Variants in RMDN2 observed in about 807,000 individuals in gnomAD.
RMDN2 encodes regulator of microtubule dynamics protein 2.
In RMDN2, 61 loss-of-function variants were observed where a neutral mutation model predicts 52.8. The observed-to-expected ratio is 1.16, with a 90% CI of 0.94 to 1.43. The LOEUF (loss-of-function observed/expected upper bound fraction) is 1.43, where lower values mean the gene tolerates loss of function less well. Ranked by LOEUF, RMDN2 falls within the 40% of genes most tolerant of loss-of-function variation. The probability of loss-of-function intolerance (pLI) is 0.00; values close to 1 mark genes in which losing one functional copy is unlikely to be tolerated. For missense variants in RMDN2, 592 were observed against 475.3 expected (o/e 1.25, Z -2.28); for synonymous variants, 180 against 153.1 (o/e 1.18, Z -1.30).
chr2:38,024,749 C>T (rs560986281), intron 10 of RMDN2, among the ~76,000 whole-genome samples: 42 of 152,096 alleles, frequency 2.8e-4, no homozygotes, highest in Admixed American at 1.2e-3. Context: ...TACTCTATAA[C>T]ATATCTAATG....
chr2:38,016,224 A>G (rs1388147902), intron 10 of RMDN2, among the ~76,000 whole-genome samples: 1 of 152,238 alleles, frequency 6.6e-6, no homozygotes, highest in Non-Finnish European at 1.5e-5. Flanking sequence ...AAATGAAGGT[A>G]TTTGAGCAAG....
intron 4 of RMDN2, among the ~76,000 whole-genome samples, chr2:37,977,571 G>A (rs192899767): frequency 0.036 from 5,498 of 151,222 alleles, 294 homozygotes; most frequent in African/African-American, 0.12. Context: ...CAGATGGGGC[G>A]GCTGCTGGGC....
At chr2:38,029,548 T>C (rs1308359719) in intron 10 of RMDN2, 1 of 151,812 alleles carries the variant, frequency 6.6e-6, no homozygotes, top group East Asian at 1.9e-4. Context: ...TCAATTAACA[T>C]TTGTTAAACC....
At chr2:37,963,803 C>T (rs949867763) in intron 2 of RMDN2, among the ~76,000 whole-genome samples, 1 of 152,222 alleles carries the variant, frequency 6.6e-6, no homozygotes, top group Non-Finnish European at 1.5e-5. Flanking sequence ...CCATCGTCAT[C>T]ATGGCCCGTT....
In RMDN2 at chr2:38,034,024, C is replaced by T. The variant is rs1349357596; in HGVS notation, c.1713+29808C>T. Among the ~76,000 whole-genome samples, 3 of 152,214 alleles carry T rather than the reference C, an allele frequency of 2.0e-5. No individual in the cohort carries two copies. In the East Asian group the frequency reaches 5.8e-4, roughly 29 times the overall value. ...ACGTTTATCCCCCCAGCTAGCTTTT[C>T]CTATTTTGTAACTACAAAGAATATT... On this transcript the variant is annotated intron_variant, in intron 10 of 10. Transcript: ENST00000234195.
chr2:37,986,663 C>T (rs999206675), intron 5 of RMDN2, among the ~76,000 whole-genome samples: 7 of 152,100 alleles, frequency 4.6e-5, no homozygotes, highest in African/African-American at 1.7e-4. Flanking sequence ...CATTAACACA[C>T]CAAAGCAGAA....
chr2:37,966,188 G>A (rs942981318), intron 2 of RMDN2, among the ~76,000 whole-genome samples: 7 of 152,230 alleles, frequency 4.6e-5, no homozygotes, highest in South Asian at 2.1e-4. Flanking sequence ...TTGGGAGGCC[G>A]AGGCAGGTGG....
At chr2:37,996,154 A>G (rs1307910550) in intron 7 of RMDN2, among the ~76,000 whole-genome samples, 1 of 152,214 alleles carries the variant, frequency 6.6e-6, no homozygotes, top group Non-Finnish European at 1.5e-5. Flanking sequence ...AAATCTTAGA[A>G]TCATACCATT....
At chr2:38,050,679 C>A (rs1300589027) in intron 10 of RMDN2, among the ~76,000 whole-genome samples, 1 of 152,194 alleles carries the variant, frequency 6.6e-6, no homozygotes, top group Non-Finnish European at 1.5e-5. Flanking sequence ...TCTGCACGAA[C>A]TTCCACATAT....
In RMDN2 at chr2:37,939,321, G is replaced by A. The variant is rs142203469; in HGVS notation, c.452+9592G>A. ...GTCTTTTACTTCCAATTATGTGGTT[G>A]ATTTTGGAATAAGTGCGGTGTGGTG... On this transcript the variant is annotated intron_variant, in intron 2 of 10. Coordinates refer to ENST00000354545, the MANE Select transcript of RMDN2 (RefSeq NM_001170791.3). Among the ~76,000 whole-genome samples, 525 of 152,214 alleles carry A rather than the reference G, an allele frequency of 3.4e-3. 5 individuals are homozygous for A. Among genetic ancestry groups the A allele is most frequent in the African/African-American group, 0.012 (509 of 41,532 alleles).
At chr2:37,991,673 A>G (rs902193924) in intron 7 of RMDN2, among the ~76,000 whole-genome samples, 6 of 152,114 alleles carry the variant, frequency 3.9e-5, no homozygotes, top group African/African-American at 1.4e-4. Context: ...ATCCACACAC[A>G]CACCCTGTGT....
At chr2:37,965,153 G>A (rs534244937) in intron 2 of RMDN2, among the ~76,000 whole-genome samples, 85 of 152,118 alleles carry the variant, frequency 5.6e-4, no homozygotes, top group African/African-American at 1.4e-3. Flanking sequence ...ACAGCATATC[G>A]TTAAATCCCA....
chr2:38,023,863 A>T (rs1679573751), intron 10 of RMDN2, among the ~76,000 whole-genome samples: 1 of 152,194 alleles, frequency 6.6e-6, no homozygotes, highest in Non-Finnish European at 1.5e-5. Flanking sequence ...CACCCACGAA[A>T]CCATCACCAC....
chr2:37,992,905 T>C (rs1226869898), intron 7 of RMDN2, among the ~76,000 whole-genome samples: 1 of 151,978 alleles, frequency 6.6e-6, no homozygotes, highest in African/African-American at 2.4e-5. Flanking sequence ...ACAAGCAGTT[T>C]GTTTCTTTTT....
At chr2:38,037,348 A>G (rs1306488310) in intron 10 of RMDN2, among the ~76,000 whole-genome samples, 2 of 152,216 alleles carry the variant, frequency 1.3e-5, no homozygotes, top group African/African-American at 4.8e-5. Context: ...GTTGCTCTTT[A>G]TCCTCATACC....
At chr2:37,966,122 T>A (rs575039245) in intron 2 of RMDN2, among the ~76,000 whole-genome samples, 30 of 152,190 alleles carry the variant, frequency 2.0e-4, no homozygotes, top group Non-Finnish European at 3.1e-4. Flanking sequence ...TTGGAGTTTG[T>A]TAAGTTATTG....
chr2:38,004,277 A>T, intron 10 of RMDN2, 61 bp downstream of exon 10: 4 of 1,091,848 alleles, frequency 3.7e-6, no homozygotes, highest in Non-Finnish European at 5.6e-6. Flanking sequence ...AGCTCAAAAC[A>T]GGAATAACTC....
intron 2 of RMDN2, among the ~76,000 whole-genome samples, chr2:37,945,981 A>G (rs908570372): frequency 1.3e-5 from 2 of 152,214 alleles, no homozygotes; most frequent in African/African-American, 4.8e-5. Flanking sequence ...ATACTCATGT[A>G]TAAAACTCAC....
chr2:37,972,559 A>G (rs1671945981), intron 2 of RMDN2, among the ~76,000 whole-genome samples: 1 of 152,172 alleles, frequency 6.6e-6, no homozygotes, highest in Non-Finnish European at 1.5e-5. Context: ...TGACTTGGAC[A>G]TCTGATGGAG....
Sources: gnomAD v4.1 joint callset for allele counts (sites outside exome capture counted in the v4.1 genomes callset) on GRCh38, gnomAD v4.1.1 for gene constraint, MANE v1.5 for transcripts, NCBI Gene and HGNC (gene_info 2026-07-23, HGNC 2026-07-21) for gene names.